The following PATJ variants were observed in gnomAD, a reference collection of about 807,000 sequenced individuals.
The protein encoded by PATJ is inaD-like protein.
Under a neutral mutation model 224.9 loss-of-function variants are expected in PATJ, and 190 were observed. The ratio of observed to expected loss-of-function variants is 0.84; its 90% CI spans 0.75 to 0.95. PATJ has a LOEUF of 0.95. PATJ is among the 40% of genes least tolerant of loss of function. PATJ has a pLI of 0.00. For missense variants in PATJ, 2,121 were observed against 2,270.3 expected (o/e 0.93, Z 1.34); for synonymous variants, 769 against 820.3 (o/e 0.94, Z 1.07).
chr1:61,806,485 G>C (rs564344231), intron 13 of PATJ, among the ~76,000 whole-genome samples: 8 of 152,188 alleles, frequency 5.3e-5, no homozygotes, highest in African/African-American at 1.4e-4. Context: ...CGGGCGTGGT[G>C]GCGGTCGCCT....
intron 27 of PATJ, among the ~76,000 whole-genome samples, chr1:61,953,974 A>G (rs1043211545): frequency 2.0e-5 from 3 of 152,188 alleles, no homozygotes; most frequent in African/African-American, 7.2e-5. Context: ...AAGTATATCT[A>G]GTCATTAGGA....
rs1391836978 is a variant in PATJ, at chr1:62,128,832, T to C, written c.5167-9T>C. The C allele has an allele frequency of 6.3e-7, 1 of 1,575,452 alleles. No homozygotes were observed. The highest frequency in any genetic ancestry group is 8.7e-7 in the Non-Finnish European group (1 of 1,145,154). On this transcript the variant is annotated splice_polypyrimidine_tract_variant and intron_variant, in intron 40 of 43. Transcript: ENST00000642238. ...TGATAGTGATTTTCTGTCATTTTTG[T>C]ACTTCCAGGTTGGAGATCGGATTGT...
chr1:62,098,521 G>A (rs1260875452), intron 33 of PATJ, among the ~76,000 whole-genome samples: 3 of 152,238 alleles, frequency 2.0e-5, no homozygotes, highest in African/African-American at 7.2e-5. Context: ...CTTGAACCCA[G>A]GAGGTGGAGG....
At position 62,162,946 on chromosome 1, in the gene PATJ, C is replaced by T. The variant is rs898271921; in HGVS notation, c.*1892C>T. On this transcript the variant is annotated 3_prime_UTR_variant, in exon 44 of 44. Transcript: ENST00000642238. ...TGGGTGACAGAGCAAGACTCTGTCT[C>T]GAAAAAGAAAAAAAACCATGAAGGA... The T allele has an allele frequency of 7.6e-6, 3 of 392,246 alleles. 1 individual carries two copies. The highest frequency in any genetic ancestry group is 1.5e-5 in the Non-Finnish European group (3 of 199,280). The allele number at this position is 392,246 out of a possible 1,614,324, so 24.3% of individuals were successfully genotyped here. A position where few individuals can be genotyped will look rare whatever the true frequency, so the allele number is the denominator to read the frequency against.
intron 31 of PATJ, among the ~76,000 whole-genome samples, chr1:62,068,318 GT>G (rs1242797477): frequency 6.6e-6 from 1 of 152,202 alleles, no homozygotes; most frequent in East Asian, 1.9e-4. Flanking sequence ...AGGTTTGTTT[GT>G]TTGTTAGTTA....
chr1:61,842,651 A>G (rs570672026), intron 17 of PATJ, among the ~76,000 whole-genome samples: 23 of 152,134 alleles, frequency 1.5e-4, no homozygotes, highest in Admixed American at 7.9e-4. Flanking sequence ...ATTTACTGCC[A>G]TAACTGGTAA....
chr1:61,942,463 A>G (rs1208234170), intron 27 of PATJ, among the ~76,000 whole-genome samples: 1 of 152,194 alleles, frequency 6.6e-6, no homozygotes, highest in African/African-American at 2.4e-5. Flanking sequence ...ATTTTAATGC[A>G]AAATGATAGA....
intron 27 of PATJ, among the ~76,000 whole-genome samples, chr1:61,989,243 C>T (rs753299536): frequency 6.6e-6 from 1 of 152,198 alleles, no homozygotes; most frequent in Non-Finnish European, 1.5e-5. Flanking sequence ...CACCTATAAA[C>T]TATGAGCCGC....
intron 27 of PATJ, among the ~76,000 whole-genome samples, chr1:61,985,070 T>C (rs1644670592): frequency 6.6e-6 from 1 of 152,034 alleles, no homozygotes; most frequent in Non-Finnish European, 1.5e-5. Flanking sequence ...TCCCAGCACT[T>C]TGGGAGGCCG....
rs2482882 is a variant in PATJ at position 61,958,535 on chromosome 1, T to C, written c.3670+30706T>C. On this transcript the variant is annotated intron_variant, in intron 27 of 43. Coordinates refer to ENST00000642238, the MANE Select transcript of PATJ (RefSeq NM_001350145.3). ...AAAGTACCCTACCATTTGTAAACCA[T>C]GAAGATTTCCCTTGAAGATTTTCCC... 3.5e-3 allele frequency among the ~76,000 whole-genome samples: 532 copies of C among 152,330 alleles called. 3 individuals carry two copies. The highest frequency in any genetic ancestry group is 0.012 in the African/African-American group (501 of 41,574).
chr1:61,817,597 G>C (rs1403563172), intron 14 of PATJ, among the ~76,000 whole-genome samples: 2 of 152,192 alleles, frequency 1.3e-5, no homozygotes, highest in African/African-American at 4.8e-5. Context: ...ACAGGCGGTG[G>C]TTGCAGTGAG....
intron 1 of PATJ, among the ~76,000 whole-genome samples, chr1:61,754,962 A>G (rs1012099410): frequency 1.3e-5 from 2 of 152,102 alleles, no homozygotes; most frequent in Non-Finnish European, 2.9e-5. Context: ...ACCAAGGGAT[A>G]CTCCAGAATG....
rs191981542 is a variant in PATJ at position 61,811,846 on chromosome 1, G to C, written c.1683+3316G>C. 5.9e-5 allele frequency among the ~76,000 whole-genome samples: 9 copies of C among 151,366 alleles called. No homozygotes were observed. The East Asian group carries it at 1.2e-3, about 20-fold the overall frequency. On this transcript the variant is annotated intron_variant, in intron 14 of 43. Transcript: ENST00000642238. ...GGATGCCGAGGTGGGTGGATCACGA[G>C]GTCAGGAGATCGAGACCATCCTGGC...
At chr1:62,048,827 G>C (rs1340166613) in intron 30 of PATJ, among the ~76,000 whole-genome samples, 1 of 152,104 alleles carries the variant, frequency 6.6e-6, no homozygotes, top group Non-Finnish European at 1.5e-5. Flanking sequence ...ATGCTCCAAA[G>C]AAATGCCCAT....
chr1:62,046,145 T>C lies in PATJ; in HGVS notation c.4033-4821T>C, dbSNP rs1652506877. Reference sequence around the variant, plus strand: ...TGGGCCCAAGAGGTCGAGGCTTCAGTGAGCTGTGATCATGCCACTGCACTC... The same window carrying C: ...TGGGCCCAAGAGGTCGAGGCTTCAGCGAGCTGTGATCATGCCACTGCACTC... On this transcript the variant is annotated intron_variant, in intron 30 of 43. Coordinates refer to ENST00000642238, the MANE Select transcript of PATJ (RefSeq NM_001350145.3). Among the ~76,000 whole-genome samples, 3 of 148,314 alleles carry C rather than the reference T, an allele frequency of 2.0e-5. No individual in the cohort carries two copies. The South Asian group carries it at 6.3e-4, about 31-fold the overall frequency.
chr1:62,117,957 C>T lies in PATJ; in HGVS notation c.4890+739C>T, dbSNP rs78985733. The stretch of plus-strand genomic sequence containing the variant: ...TAAAAGCATGACTTTTGGTCCCCTC[C>T]CTGGTTGCCTTATTTCTGAAGCCTC... On this transcript the variant is annotated intron_variant, in intron 37 of 43. Coordinates refer to ENST00000642238, the MANE Select transcript of PATJ (RefSeq NM_001350145.3). 6.1e-3 allele frequency among the ~76,000 whole-genome samples: 925 copies of T among 152,204 alleles called. 12 individuals carry two copies. The highest frequency in any genetic ancestry group is 0.021 in the African/African-American group (878 of 41,516).
At chr1:61,934,172 G>A (rs1322472674) in intron 27 of PATJ, among the ~76,000 whole-genome samples, 1 of 152,186 alleles carries the variant, frequency 6.6e-6, no homozygotes, top group Non-Finnish European at 1.5e-5. Flanking sequence ...AGGCTAGAGT[G>A]CAGTGGCACG....
At chr1:61,949,888 C>T (rs1437502191) in intron 27 of PATJ, among the ~76,000 whole-genome samples, 4 of 148,890 alleles carry the variant, frequency 2.7e-5, no homozygotes, top group African/African-American at 7.4e-5. Context: ...GGTGACAGAG[C>T]GAGACTCTGT....
intron 37 of PATJ, among the ~76,000 whole-genome samples, chr1:62,120,184 T>C (rs925702790): frequency 2.6e-5 from 4 of 152,116 alleles, no homozygotes; most frequent in African/African-American, 9.7e-5. Context: ...AAAAGATGAG[T>C]GATGAATAGA....
Sources: gnomAD v4.1 joint callset for allele counts (sites outside exome capture counted in the v4.1 genomes callset) on GRCh38, gnomAD v4.1.1 for gene constraint, MANE v1.5 for transcripts, NCBI Gene and HGNC (gene_info 2026-07-23, HGNC 2026-07-21) for gene names.